The following PDE1C variants were observed in gnomAD, a reference collection of about 807,000 sequenced individuals.
The protein encoded by PDE1C is phosphodiesterase 1C.
In PDE1C, 62 loss-of-function variants were observed where a neutral mutation model predicts 93.1. The observed-to-expected ratio is 0.67, with a 90% confidence interval of 0.54 to 0.82. The LOEUF is 0.82. PDE1C is among the 40% of genes least tolerant of loss of function. The pLI, the probability that PDE1C is intolerant of heterozygous loss-of-function variation, is 0.00. For synonymous variants in PDE1C, 325 were observed against 310.1 expected, an observed-to-expected ratio of 1.05 and a Z score of -0.50; for missense variants, 742 against 884.6, an observed-to-expected ratio of 0.84 and a Z score of 2.04.
At chr7:31,753,666 AAAG>A (rs1424790806) in intron 17 of PDE1C, 113 bp from the exon 18 acceptor site, 66 of 1,399,038 alleles carry the variant, frequency 4.7e-5, no homozygotes, top group Non-Finnish European at 5.3e-5. Context: ...CAAGACCAGG[AAAG>A]AAGCAGTTTG....
the PDE1C span, among the ~76,000 whole-genome samples, chr7:31,683,459 A>T: frequency 6.6e-6 from 1 of 152,090 alleles, no homozygotes; most frequent in East Asian, 1.9e-4. Flanking sequence ...AAATGACATC[A>T]GATTTTCTTA....
intron 1 of PDE1C, among the ~76,000 whole-genome samples, chr7:32,216,713 T>A (rs1806459575): frequency 6.6e-6 from 1 of 152,158 alleles, no homozygotes; most frequent in Non-Finnish European, 1.5e-5. Context: ...TGTCCTTGAG[T>A]GCAGAAAGAC....
chr7:32,197,310 G>A (rs1804693676), intron 2 of PDE1C, among the ~76,000 whole-genome samples: 1 of 151,846 alleles, frequency 6.6e-6, no homozygotes, highest in Non-Finnish European at 1.5e-5. Context: ...GTGTAGAGGA[G>A]GATTTAGAGA....
chr7:31,838,450 C>A (rs1791395263), intron 9 of PDE1C, among the ~76,000 whole-genome samples: 1 of 152,082 alleles, frequency 6.6e-6, no homozygotes, highest in African/African-American at 2.4e-5. Context: ...TCACTTCCAG[C>A]ACAGTTTTCT....
At chr7:32,407,344 T>C (rs944112729) in intron 1 of PDE1C, among the ~76,000 whole-genome samples, 1 of 152,154 alleles carries the variant, frequency 6.6e-6, no homozygotes, top group South Asian at 2.1e-4. Context: ...TTTTATCATT[T>C]CTGAATTTCA....
rs534399699 is a variant in PDE1C, at chr7:31,796,800, T to C, written c.1891+12231A>G. 1.4e-3 allele frequency among the ~76,000 whole-genome samples: 220 copies of C among 151,884 alleles called. 1 individual carries two copies. Among genetic ancestry groups the C allele is most frequent in the African/African-American group, 5.1e-3 (211 of 41,494 alleles). Reference sequence around the variant, plus strand: ...AGTAGCTCTTATTGTTGGGTCACCCTACAGCACAGCTTCCAAATTTAATTA... The same window carrying C: ...AGTAGCTCTTATTGTTGGGTCACCCCACAGCACAGCTTCCAAATTTAATTA... On this transcript the variant is annotated intron_variant, in intron 16 of 17. Coordinates refer to ENST00000396191, the MANE Select transcript of PDE1C (RefSeq NM_001191057.4).
intron 1 of PDE1C, among the ~76,000 whole-genome samples, chr7:32,409,344 G>A (rs1415689383): frequency 1.3e-5 from 2 of 152,134 alleles, no homozygotes; most frequent in Non-Finnish European, 2.9e-5. Context: ...CTGGGCAGCA[G>A]ACAGAGACCC....
intron 3 of PDE1C, among the ~76,000 whole-genome samples, chr7:32,129,910 C>T (rs999914250): frequency 8.6e-5 from 13 of 151,956 alleles, no homozygotes; most frequent in Non-Finnish European, 1.8e-4. Flanking sequence ...TTAGTCCTAA[C>T]GTTCTTTTAC....
intron 1 of PDE1C, among the ~76,000 whole-genome samples, chr7:32,237,665 T>C (rs1808208029): frequency 6.7e-6 from 1 of 149,356 alleles, no homozygotes; most frequent in Admixed American, 6.7e-5. Flanking sequence ...CAAGCATTCT[T>C]CTAAGAGGTG....
At chr7:31,935,394 C>T (rs1804900253) in intron 2 of PDE1C, among the ~76,000 whole-genome samples, 1 of 152,128 alleles carries the variant, frequency 6.6e-6, no homozygotes. Context: ...TACAGAACCT[C>T]CCTCCTATTG....
intron 12 of PDE1C, among the ~76,000 whole-genome samples, chr7:31,825,570 G>T (rs531395150): frequency 6.6e-6 from 1 of 152,116 alleles, no homozygotes; most frequent in Non-Finnish European, 1.5e-5. Context: ...TGTTTGAGCC[G>T]CATTGTCATA....
chr7:31,633,884 C>CTT, the PDE1C span, among the ~76,000 whole-genome samples: 9 of 152,338 alleles, frequency 5.9e-5, no homozygotes, highest in African/African-American at 1.4e-4. Flanking sequence ...CCCATCACCT[C>CTT]TGCTTTTTCT....
rs113525580 is a variant in PDE1C, at chr7:31,775,455, G to A, written c.1960+209C>T. On this transcript the variant is annotated intron_variant, in intron 17 of 17. Coordinates refer to ENST00000396191, the MANE Select transcript of PDE1C (RefSeq NM_001191057.4). ...ATTCTATTCTTTCCATAGGTGAGGG[G>A]GACGATTGTGAACCAATTATAGAAA... Among the ~76,000 whole-genome samples, 886 of 152,250 alleles carry A rather than the reference G, an allele frequency of 5.8e-3. 8 individuals are homozygous for A. Among genetic ancestry groups the A allele is most frequent in the African/African-American group, 0.02 (811 of 41,526 alleles).
At chr7:31,741,306 T>C in the PDE1C span, among the ~76,000 whole-genome samples, 1 of 152,294 alleles carries the variant, frequency 6.6e-6, no homozygotes. Flanking sequence ...GAATTTTACA[T>C]CTTTCTAAAG....
intron 2 of PDE1C, among the ~76,000 whole-genome samples, chr7:32,037,260 G>A (rs566004242): frequency 1.3e-5 from 2 of 152,272 alleles, no homozygotes; most frequent in South Asian, 4.2e-4. Flanking sequence ...CACACTGCAT[G>A]TTCTCAAGTA....
intron 2 of PDE1C, among the ~76,000 whole-genome samples, chr7:31,918,112 A>C (rs1236821417): frequency 2.0e-5 from 3 of 152,188 alleles, no homozygotes; most frequent in African/African-American, 4.8e-5. Context: ...TGTATCAGAC[A>C]GATCAATTAG....
chr7:31,967,417 T>C (rs763425257), intron 2 of PDE1C, among the ~76,000 whole-genome samples: 56 of 152,030 alleles, frequency 3.7e-4, no homozygotes, highest in Middle Eastern at 3.4e-3. Context: ...CAGGAAGAAG[T>C]TGAATCTCTG....
intron 2 of PDE1C, among the ~76,000 whole-genome samples, chr7:31,981,506 G>T (rs1433611558): frequency 2.6e-5 from 4 of 152,118 alleles, no homozygotes; most frequent in Non-Finnish European, 4.4e-5. Context: ...ATAGATCCAT[G>T]AGCCTAAACA....
chr7:32,410,825 C>G (rs1379410641), intron 1 of PDE1C, among the ~76,000 whole-genome samples: 1 of 152,194 alleles, frequency 6.6e-6, no homozygotes, highest in Non-Finnish European at 1.5e-5. Flanking sequence ...TATTCCACCC[C>G]CTTGCTCCTT....
Sources: allele counts gnomAD v4.1 joint callset (sites outside exome capture counted in the v4.1 genomes callset), GRCh38; gene constraint gnomAD v4.1.1; transcripts MANE v1.5; gene names NCBI Gene and HGNC (gene_info 2026-07-23, HGNC 2026-07-21).